Variants in HOXB13 observed in about 807,000 individuals in gnomAD.
HOXB13 encodes the protein homeobox protein Hox-B13.
A neutral mutation model predicts 23.1 loss-of-function variants in HOXB13; 22 were observed. That is an observed-to-expected ratio of 0.95 (90% CI 0.68 to 1.36). HOXB13 has a LOEUF of 1.36. Ranked by LOEUF, HOXB13 falls within the 40% of genes most tolerant of loss-of-function variation. The probability of loss-of-function intolerance (pLI) is 0.00; values close to 1 mark genes in which losing one functional copy is unlikely to be tolerated. For synonymous variants in HOXB13, 173 were observed against 157.9 expected (o/e 1.10, Z -0.72); for missense variants, 386 against 376.2 (o/e 1.03, Z -0.22).
intron 1 of HOXB13, 36 bp downstream of exon 1, chr17:48,727,957 G>T: frequency 6.3e-7 from 1 of 1,591,220 alleles, no homozygotes; most frequent in Non-Finnish European, 8.6e-7. Context: ...ACAACCCCAG[G>T]CTCAGAGACA....
intron 1 of HOXB13, among the ~76,000 whole-genome samples, chr17:48,727,481 G>A (rs1168124506): frequency 6.6e-6 from 1 of 151,916 alleles, no homozygotes; most frequent in African/African-American, 2.4e-5. Context: ...CCATCCCAGT[G>A]CACACACATA....
Position 48,726,862 on chromosome 17 carries a change from G to A in HOXB13, c.783C>T (p.Thr261=). ...AATSLSERQI[T]IWFQNRRVKE... is the part of the protein sequence containing the mutation. Reference sequence around the variant, plus strand: ...TGACCCGGCGGTTCTGAAACCAGATGGTAATCTGGCGCTCCGAGAGGCTGG... The same window carrying A: ...TGACCCGGCGGTTCTGAAACCAGATAGTAATCTGGCGCTCCGAGAGGCTGG... Residue 261 remains threonine, a synonymous_variant, in exon 2 of 2, where the codon ACC becomes ACT. Transcript: ENST00000290295. 1 of 1,614,144 alleles carries A rather than the reference G, an allele frequency of 6.2e-7. No homozygotes were observed. The highest frequency in any genetic ancestry group is 8.5e-7 in the Non-Finnish European group (1 of 1,179,998).
In HOXB13 at chr17:48,728,279, G is replaced by T. The variant is rs2038235885; in HGVS notation, c.315C>A (p.Thr105=). ...GAGTCTCCGCGGGGTACGCGGCCAG[G>T]GTGGCTGCCTGGGCACAGGGTTTCA... ...SSLKPCAQAA[T]LAAYPAETPT... The change falls in exon 1 of 2, where the codon ACC becomes ACA. Residue 105 remains threonine, a synonymous_variant. Coordinates refer to ENST00000290295, the MANE Select transcript of HOXB13 (RefSeq NM_006361.6). The T allele has an allele frequency of 1.9e-6, 3 of 1,614,068 alleles. No individual in the cohort carries two copies. Among genetic ancestry groups the T allele is most frequent in the Non-Finnish European group, 2.5e-6 (3 of 1,180,058 alleles).
In HOXB13 at chr17:48,727,037, C is replaced by T. The variant is rs1223142899; in HGVS notation, c.608G>A (p.Ser203Asn). 3 of 1,606,142 alleles carry T rather than the reference C, an allele frequency of 1.9e-6. No homozygotes were observed. Among genetic ancestry groups the T allele is most frequent in the African/African-American group, 1.3e-5 (1 of 75,038 alleles). The change falls in exon 2 of 2, where the codon AGC (serine) becomes AAC (asparagine). Residue 203 changes from serine (S) to asparagine (N), a missense_variant. Physicochemically the swap from Ser to Asn is conservative, Grantham distance 46. Coordinates refer to ENST00000290295, the MANE Select transcript of HOXB13 (RefSeq NM_006361.6). ...GCAGGCGTCAGGAGGGTGCTGCCCG[C>T]TGGAGTCTGCGCGGCGTGAAAGGGA... is the stretch of plus-strand genomic sequence containing the variant. The part of the protein sequence containing the change: ...PFWKAAFADS[S>N]GQHPPDACAF...
At position 48,725,657 on chromosome 17, in the gene HOXB13, C is replaced by G. The variant is rs1295618222; in HGVS notation, c.*1133G>C. The G allele has an allele frequency of 2.0e-5, 3 of 152,790 alleles. No homozygotes were observed. The highest frequency in any genetic ancestry group is 4.4e-5 in the Non-Finnish European group (3 of 68,544). 9.5% of individuals were successfully genotyped at this position (152,790 alleles called of 1,614,324 possible). On this transcript the variant is annotated 3_prime_UTR_variant, in exon 2 of 2. Transcript: ENST00000290295. Reference sequence around the variant, plus strand: ...CGTGGAGAATGCGCCGGCAGGCCCCCCACCCCCAGCCTAAGGTGCAGGAAG... The same window carrying G: ...CGTGGAGAATGCGCCGGCAGGCCCCGCACCCCCAGCCTAAGGTGCAGGAAG...
Position 48,728,654 on chromosome 17 carries a change from TCTCCCCACCC to T in HOXB13, c.-71_-62del. 6.4e-7 allele frequency: 1 copy of T among 1,567,220 alleles called. No homozygotes were observed. The highest frequency in any genetic ancestry group is 8.7e-7 in the Non-Finnish European group (1 of 1,148,140). Reference sequence around the variant, plus strand: ...GGAATCTAGGGGGCACCCAGCTCGCTCTCCCCACCCAGGCCGGGGGAATCCAAAGCGTTTT... The same window carrying T: ...GGAATCTAGGGGGCACCCAGCTCGCTAGGCCGGGGGAATCCAAAGCGTTTT... On this transcript the variant is annotated 5_prime_UTR_variant, in exon 1 of 2. Transcript: ENST00000290295.
Position 48,728,671 on chromosome 17 carries a change from G to A in HOXB13, c.-78C>T. 1 of 1,427,542 alleles carries A rather than the reference G, an allele frequency of 7.0e-7. No homozygotes were observed. The highest frequency in any genetic ancestry group is 9.7e-7 in the Non-Finnish European group (1 of 1,031,418). The allele number at this position is 1,427,542 out of a possible 1,614,324, so 88.4% of individuals were successfully genotyped here. A position where few individuals can be genotyped will look rare whatever the true frequency, so the allele number is the denominator to read the frequency against. ...CAGCTCGCTCTCCCCACCCAGGCCG[G>A]GGGAATCCAAAGCGTTTTAAATCGC... On this transcript the variant is annotated 5_prime_UTR_variant, in exon 1 of 2. Coordinates refer to ENST00000290295, the MANE Select transcript of HOXB13 (RefSeq NM_006361.6).
rs751865027 is a variant in HOXB13 at position 48,728,304 on chromosome 17, A to T, written c.290T>A (p.Leu97Gln). ...GGTGGCTGCCTGGGCACAGGGTTTC[A>T]GCGAGCTCCGGGACACTCGGCAGGA... ...YYSCRVSRSS[L>Q]KPCAQAATLA... Residue 97 changes from leucine (L) to glutamine (Q), a missense_variant, in exon 1 of 2, where the codon CTG becomes CAG. Coordinates refer to ENST00000290295, the MANE Select transcript of HOXB13 (RefSeq NM_006361.6). The T allele has an allele frequency of 6.2e-7, 1 of 1,614,076 alleles. No individual in the cohort carries two copies. Among genetic ancestry groups the T allele is most frequent in the African/African-American group, 1.3e-5 (1 of 75,054 alleles).
rs1246368299 is a variant in HOXB13 at position 48,726,322 on chromosome 17, C to G, written c.*468G>C. The G allele has an allele frequency of 2.5e-5, 4 of 160,196 alleles. No homozygotes were observed. Among genetic ancestry groups the G allele is most frequent in the Admixed American group, 2.4e-4 (4 of 16,902 alleles). 9.9% of individuals were successfully genotyped at this position (160,196 alleles called of 1,614,324 possible). A position where few individuals can be genotyped will look rare whatever the true frequency, so the allele number is the denominator to read the frequency against. The stretch of plus-strand genomic sequence containing the variant: ...ACAACGAATCTGCCCGTTCCCCTCT[C>G]CTCAGTCTTCCTGCTGTTACCAGGG... On this transcript the variant is annotated 3_prime_UTR_variant, in exon 2 of 2. Transcript: ENST00000290295.
rs775613793 is a variant in HOXB13, at chr17:48,726,992, T to C, written c.653A>G (p.Lys218Arg). Residue 218 changes from lysine to arginine, a missense_variant, in exon 2 of 2, where the codon AAG becomes AGG. Physicochemically the swap from Lys to Arg is conservative, Grantham distance 26. Coordinates refer to ENST00000290295, the MANE Select transcript of HOXB13 (RefSeq NM_006361.6). ...PDACAFRRGR[K>R]KRIPYSKGQL... ...CCCCTTGCTGTACGGAATGCGTTTC[T>C]TGCGGCCGCGACGAAAGGCGCAGGC... 14 of 1,612,112 alleles carry C rather than the reference T, an allele frequency of 8.7e-6. No individual in the cohort carries two copies. Among genetic ancestry groups the C allele is most frequent in the Non-Finnish European group, 1.2e-5 (14 of 1,180,010 alleles).
intron 1 of HOXB13, among the ~76,000 whole-genome samples, chr17:48,727,341 A>T (rs1453366985): frequency 6.6e-6 from 1 of 151,924 alleles, no homozygotes; most frequent in East Asian, 1.9e-4. Flanking sequence ...GCCCACCATC[A>T]CATACGTCCA....
intron 1 of HOXB13, 142 bp downstream of exon 1, chr17:48,727,851 T>C: frequency 9.4e-7 from 1 of 1,064,640 alleles, no homozygotes; most frequent in Non-Finnish European, 1.4e-6. Context: ...TCAGACCTCC[T>C]TCAGAGTCCT....
At position 48,725,565 on chromosome 17, in the gene HOXB13, G is replaced by T. The variant is rs2038199629; in HGVS notation, c.*1225C>A. On this transcript the variant is annotated 3_prime_UTR_variant, in exon 2 of 2. Transcript: ENST00000290295. ...CTGCTCGCCACCGACCCCACTACTC[G>T]CCACCGACCCGCTGCTCGGAGCTTC... 6.6e-6 allele frequency: 1 copy of T among 152,212 alleles called. No homozygotes were observed. Among genetic ancestry groups the T allele is most frequent in the African/African-American group, 2.4e-5 (1 of 41,422 alleles). The allele number at this position is 152,212 out of a possible 1,614,324, so 9.4% of individuals were successfully genotyped here. A position where few individuals can be genotyped will look rare whatever the true frequency, so the allele number is the denominator to read the frequency against.
Position 48,726,981 on chromosome 17 carries a change from G to T in HOXB13, c.664C>A (p.Pro222Thr), listed in dbSNP as rs1597932871. 27 of 1,612,904 alleles carry T rather than the reference G, an allele frequency of 1.7e-5. No individual in the cohort carries two copies. Among genetic ancestry groups the T allele is most frequent in the Non-Finnish European group, 2.2e-5 (26 of 1,180,018 alleles). ...TCCCGCAACTGCCCCTTGCTGTACG[G>T]AATGCGTTTCTTGCGGCCGCGACGA... ...AFRRGRKKRI[P>T]YSKGQLRELE... Residue 222 changes from proline to threonine, a missense_variant, in exon 2 of 2, where the codon CCG (proline) becomes ACG (threonine). By Grantham distance (38) the Pro-to-Thr change is conservative. Coordinates refer to ENST00000290295, the MANE Select transcript of HOXB13 (RefSeq NM_006361.6).
Position 48,726,997 on chromosome 17 carries a change from GC to G in HOXB13, c.647del (p.Gly216AlafsTer63). 6.2e-7 allele frequency: 1 copy of G among 1,611,604 alleles called. No individual in the cohort carries two copies. Among genetic ancestry groups the G allele is most frequent in the Non-Finnish European group, 8.5e-7 (1 of 1,180,018 alleles). On this transcript the variant is annotated frameshift_variant, in exon 2 of 2. Transcript: ENST00000290295. LOFTEE classifies it high-confidence loss of function. ...TGCTGTACGGAATGCGTTTCTTGCG[GC>G]CGCGACGAAAGGCGCAGGCGTCAGG... is the stretch of plus-strand genomic sequence containing the variant. ...HPPDACAFRR[G>X]RKKRIPYSKG... is the part of the protein sequence containing the mutation.
At chr17:48,727,427 C>A (rs12103777) in intron 1 of HOXB13, among the ~76,000 whole-genome samples, 158 of 149,140 alleles carry the variant, frequency 1.1e-3, no homozygotes, top group African/African-American at 3.8e-3. Flanking sequence ...TTTCTGCCCC[C>A]ACTCCCAATA....
rs1358131965 is a variant in HOXB13, at chr17:48,726,844, G to A, written c.801C>T (p.Arg267=). 5.6e-6 allele frequency: 9 copies of A among 1,614,154 alleles called. No individual in the cohort carries two copies. Among genetic ancestry groups the A allele is most frequent in the Non-Finnish European group, 7.6e-6 (9 of 1,180,022 alleles). Residue 267 remains arginine (R), a synonymous_variant, in exon 2 of 2, where the codon CGC becomes CGT. Coordinates refer to ENST00000290295, the MANE Select transcript of HOXB13 (RefSeq NM_006361.6). ...ERQITIWFQN[R]RVKEKKVLAK... is the part of the protein sequence containing the mutation. ...CGAGAACCTTCTTCTCTTTGACCCGGCGGTTCTGAAACCAGATGGTAATCT... is the reference window on the plus strand; with the variant it reads ...CGAGAACCTTCTTCTCTTTGACCCGACGGTTCTGAAACCAGATGGTAATCT...
rs2143073149 is a variant in HOXB13 at position 48,728,312 on chromosome 17, C to T, written c.282G>A (p.Arg94=). ...CCTGGGCACAGGGTTTCAGCGAGCT[C>T]CGGGACACTCGGCAGGAGTAGTACC... is the stretch of plus-strand genomic sequence containing the variant. The part of the protein sequence containing the change: ...GGGYYSCRVS[R]SSLKPCAQAA... The change falls in exon 1 of 2, where the codon CGG becomes CGA. Residue 94 remains arginine (R), a synonymous_variant. Coordinates refer to ENST00000290295, the MANE Select transcript of HOXB13 (RefSeq NM_006361.6). 1.2e-6 allele frequency: 2 copies of T among 1,614,098 alleles called. No individual in the cohort carries two copies. Among genetic ancestry groups the T allele is most frequent in the Non-Finnish European group, 1.7e-6 (2 of 1,180,024 alleles).
intron 1 of HOXB13, 62 bp from the exon 2 acceptor site, chr17:48,727,105 G>T: frequency 6.3e-7 from 1 of 1,577,808 alleles, no homozygotes; most frequent in East Asian, 2.2e-5. Flanking sequence ...TGCAGACCCA[G>T]GCCTTGCAAG....
Sources: allele counts gnomAD v4.1 joint callset (sites outside exome capture counted in the v4.1 genomes callset), GRCh38; gene constraint gnomAD v4.1.1; transcripts MANE v1.5; gene names NCBI Gene and HGNC (gene_info 2026-07-23, HGNC 2026-07-21).